Variants in UPK3A observed in about 807,000 individuals in gnomAD.
The protein encoded by UPK3A is uroplakin 3A.
UPK3A carries 32 observed loss-of-function variants against 27.6 expected under a neutral mutation model. That is an observed-to-expected ratio of 1.16 (90% CI 0.87 to 1.55). UPK3A has a LOEUF of 1.55. UPK3A is among the 40% of genes most tolerant of loss of function. The pLI, the probability that UPK3A is intolerant of heterozygous loss-of-function variation, is 0.00. For missense variants in UPK3A, 370 were observed against 367.9 expected (o/e 1.01, Z -0.05); for synonymous variants, 171 against 163.9 (o/e 1.04, Z -0.33).
At chr22:45,291,571 T>C (rs2084161504) in intron 4 of UPK3A, among the ~76,000 whole-genome samples, 1 of 147,540 alleles carries the variant, frequency 6.8e-6, no homozygotes, top group Non-Finnish European at 1.5e-5. Flanking sequence ...TGTGTGCGTG[T>C]GTAAGAGTTT....
At position 45,295,798 on chromosome 22, in the gene UPK3A, G is replaced by T; in HGVS notation, c.*79G>T. On this transcript the variant is annotated 3_prime_UTR_variant, in exon 6 of 6. Transcript: ENST00000216211. ...CCTGCAGCGGTGGTTGTCACACCCT[G>T]ACTTCAGGGAAGGTGAAACAGGGCT... The T allele has an allele frequency of 6.4e-7, 1 of 1,560,590 alleles. No homozygotes were observed. Among genetic ancestry groups the T allele is most frequent in the South Asian group, 1.1e-5 (1 of 89,304 alleles).
chr22:45,284,999 G>A lies in UPK3A; in HGVS notation c.-15G>A, dbSNP rs2147791612. The stretch of plus-strand genomic sequence containing the variant: ...TGGACCGCCCGCCCCGCGCTCTGGC[G>A]GCTCCTCCCGGGCGATGCCTCCGCT... On this transcript the variant is annotated 5_prime_UTR_variant, in exon 1 of 6. Coordinates refer to ENST00000216211, the MANE Select transcript of UPK3A (RefSeq NM_006953.4). 1 of 1,529,856 alleles carries A rather than the reference G, an allele frequency of 6.5e-7. No homozygotes were observed. Among genetic ancestry groups the A allele is most frequent in the Non-Finnish European group, 8.7e-7 (1 of 1,144,814 alleles). The allele number at this position is 1,529,856 out of a possible 1,614,324, so 94.8% of individuals were successfully genotyped here.
chr22:45,292,943 A>G (rs912743563), intron 4 of UPK3A, among the ~76,000 whole-genome samples: 10 of 151,964 alleles, frequency 6.6e-5, no homozygotes, highest in African/African-American at 2.2e-4. Flanking sequence ...AAAAAAAAAA[A>G]AGAGAAGAAA....
intron 3 of UPK3A, among the ~76,000 whole-genome samples, chr22:45,287,945 G>A (rs919067527): frequency 7.9e-5 from 12 of 152,190 alleles, no homozygotes; most frequent in African/African-American, 1.9e-4. Flanking sequence ...GGTTACGGGC[G>A]TGAGCTGCCA....
chr22:45,292,589 T>C (rs1161117893), intron 4 of UPK3A, among the ~76,000 whole-genome samples: 1 of 151,960 alleles, frequency 6.6e-6, no homozygotes, highest in African/African-American at 2.4e-5. Flanking sequence ...AAGACTTGAG[T>C]CAGTTTATGA....
rs529704246 is a variant in UPK3A, at chr22:45,293,298, T to C, written c.689T>C (p.Ile230Thr). Residue 230 changes from isoleucine to threonine, a missense_variant, in exon 5 of 6, where the codon ATT becomes ACT. Physicochemically the swap from Ile to Thr is moderately conservative, Grantham distance 89. Coordinates refer to ENST00000216211, the MANE Select transcript of UPK3A (RefSeq NM_006953.4). The part of the protein sequence containing the change: ...FFLLVGFAGA[I>T]ALSLVDMGSS... ...CTACTTGTGGGTTTTGCTGGCGCCA[T>C]TGCCCTCAGCCTCGTGTAAGTACCT... 1.2e-6 allele frequency: 2 copies of C among 1,613,810 alleles called. No individual in the cohort carries two copies. Among genetic ancestry groups the C allele is most frequent in the African/African-American group, 2.7e-5 (2 of 75,008 alleles).
intron 5 of UPK3A, among the ~76,000 whole-genome samples, chr22:45,294,314 G>A (rs973466026): frequency 2.0e-5 from 3 of 152,104 alleles, no homozygotes; most frequent in African/African-American, 7.2e-5. Context: ...TGGGGCGGGT[G>A]GAGATCGAGT....
At chr22:45,287,090 GAT>G in intron 2 of UPK3A, 80 bp from the exon 3 acceptor site, 1 of 1,597,576 alleles carries the variant, frequency 6.3e-7, no homozygotes, top group Non-Finnish European at 8.5e-7. Context: ...CAGAAAGGAT[GAT>G]CAGGCATTTG....
chr22:45,289,578 A>G (rs2084145108), intron 4 of UPK3A, among the ~76,000 whole-genome samples: 1 of 71,150 alleles, frequency 1.4e-5, no homozygotes, highest in Non-Finnish European at 2.8e-5. Flanking sequence ...ACTCCGTCTC[A>G]AAAAAAAAAA....
At chr22:45,287,662 T>G (rs1229889158) in intron 3 of UPK3A, among the ~76,000 whole-genome samples, 1 of 152,140 alleles carries the variant, frequency 6.6e-6, no homozygotes, top group Non-Finnish European at 1.5e-5. Context: ...TTCTGTATTT[T>G]ATTTATTTAT....
chr22:45,288,123 G>A (rs2084132543), intron 3 of UPK3A, among the ~76,000 whole-genome samples: 1 of 152,012 alleles, frequency 6.6e-6, no homozygotes, highest in South Asian at 2.1e-4. Flanking sequence ...GAGAGGGAAG[G>A]TCACCCAGTG....
In UPK3A at chr22:45,295,692, G is replaced by C; in HGVS notation, c.837G>C (p.Glu279Asp). The C allele has an allele frequency of 6.2e-7, 1 of 1,613,996 alleles. No homozygotes were observed. The highest frequency in any genetic ancestry group is 8.5e-7 in the Non-Finnish European group (1 of 1,180,026). Residue 279 changes from glutamate (E) to aspartate (D), a missense_variant, in exon 6 of 6, where the codon GAG becomes GAC. Glu to Asp is a conservative substitution (Grantham distance 45, BLOSUM62 2). Coordinates refer to ENST00000216211, the MANE Select transcript of UPK3A (RefSeq NM_006953.4). ...VNRGPPLDRA[E>D]VYSSKLQD ...GGGGGCCGCCACTGGACAGGGCTGA[G>C]GTGTATTCCAGCAAGCTCCAAGACT...
At chr22:45,289,037 C>T (rs1313050349) in intron 3 of UPK3A, 24 bp from the exon 4 acceptor site, 3 of 1,612,488 alleles carry the variant, frequency 1.9e-6, no homozygotes, top group Non-Finnish European at 2.5e-6. Flanking sequence ...GCATAAAAGT[C>T]ACCCTGGCTC....
chr22:45,285,606 G>A (rs1016568651), intron 1 of UPK3A, among the ~76,000 whole-genome samples: 7 of 143,096 alleles, frequency 4.9e-5, no homozygotes, highest in Non-Finnish European at 1.1e-4. Context: ...CAGAGAATGA[G>A]GCAGTCAGAC....
Position 45,287,249 on chromosome 22 carries a change from AG to A in UPK3A, c.288del (p.Thr97GlnfsTer11). Reference sequence around the variant, plus strand: ...AACGTTCCTACAAACAGAGGGTGGGAGGACAGGTCCCTACAAAGCTGTGGCC... The same window carrying A: ...AACGTTCCTACAAACAGAGGGTGGGAGACAGGTCCCTACAAAGCTGTGGCC... ...GSTFLQTEGG[R>X]TGPYKAVAFD... On this transcript the variant is annotated frameshift_variant, in exon 3 of 6. Transcript: ENST00000216211. LOFTEE classifies it high-confidence loss of function. The A allele has an allele frequency of 6.2e-7, 1 of 1,614,196 alleles. No homozygotes were observed. The highest frequency in any genetic ancestry group is 8.5e-7 in the Non-Finnish European group (1 of 1,180,030).
In UPK3A at chr22:45,295,784, G is replaced by T; in HGVS notation, c.*65G>T. 3.8e-6 allele frequency: 6 copies of T among 1,595,066 alleles called. No homozygotes were observed. The highest frequency in any genetic ancestry group is 5.1e-6 in the Non-Finnish European group (6 of 1,168,620). On this transcript the variant is annotated 3_prime_UTR_variant, in exon 6 of 6. Transcript: ENST00000216211. ...GCCTTGCCCCAGGCCCTGCAGCGGT[G>T]GTTGTCACACCCTGACTTCAGGGAA...
chr22:45,295,444 T>C, intron 5 of UPK3A, 116 bp from the exon 6 acceptor site: 1 of 1,137,578 alleles, frequency 8.8e-7, no homozygotes, highest in Non-Finnish European at 1.3e-6. Flanking sequence ...TGAATTCATG[T>C]CTACGAAGAC....
rs571399917 is a variant in UPK3A at position 45,287,162 on chromosome 22, G to A, written c.209-10G>A. On this transcript the variant is annotated splice_polypyrimidine_tract_variant and intron_variant, in intron 2 of 5. Coordinates refer to ENST00000216211, the MANE Select transcript of UPK3A (RefSeq NM_006953.4). The stretch of plus-strand genomic sequence containing the variant: ...GGCCAGAAGCCTGACTCCCTGCACC[G>A]CCTCTGCAGCCATTTCCAGGAATGC... The A allele has an allele frequency of 3.7e-6, 6 of 1,613,886 alleles. No homozygotes were observed. In the African/African-American group the frequency reaches 4.0e-5, roughly 11 times the overall value.
chr22:45,290,858 A>G (rs1489555265), intron 4 of UPK3A, among the ~76,000 whole-genome samples: 7 of 152,146 alleles, frequency 4.6e-5, no homozygotes, highest in Non-Finnish European at 8.8e-5. Context: ...TGAACTGCGC[A>G]TGCCAGGGAT....
Sources: allele counts gnomAD v4.1 joint callset (sites outside exome capture counted in the v4.1 genomes callset), GRCh38; gene constraint gnomAD v4.1.1; transcripts MANE v1.5; gene names NCBI Gene and HGNC (gene_info 2026-07-23, HGNC 2026-07-21).